Variants in UBAP1L observed in about 807,000 individuals in gnomAD.
UBAP1L encodes ubiquitin-associated protein 1-like.
In UBAP1L, 32 loss-of-function variants were observed where a neutral mutation model predicts 32.1. The observed-to-expected ratio is 1.00, with a 90% CI of 0.75 to 1.34. The LOEUF is 1.34. Among genes scored for constraint, UBAP1L ranks in the 40% most tolerant of loss-of-function variants. The pLI, the probability that UBAP1L is intolerant of heterozygous loss-of-function variation, is 0.00. For missense variants in UBAP1L, 516 were observed against 540.5 expected (o/e 0.95, Z 0.45); for synonymous variants, 243 against 250.2 (o/e 0.97, Z 0.27).
intron 3 of UBAP1L, 46 bp from the exon 4 acceptor site, chr15:65,099,760 C>T (rs2087219719): frequency 1.3e-6 from 2 of 1,492,760 alleles, no homozygotes; most frequent in East Asian, 2.5e-5. Context: ...CAGGAAGTGA[C>T]ACTCAGTTGG....
At chr15:65,107,318 A>T (rs2087324948) in intron 1 of UBAP1L, among the ~76,000 whole-genome samples, 2 of 151,176 alleles carry the variant, frequency 1.3e-5, no homozygotes, top group Non-Finnish European at 2.9e-5. Flanking sequence ...CTGACAACGG[A>T]GCAAGATGCT....
At chr15:65,105,553 A>G in intron 2 of UBAP1L, 1 of 541,424 alleles carries the variant, frequency 1.8e-6, no homozygotes, top group South Asian at 1.7e-5. Context: ...CATTCATTTG[A>G]CCTGGAGAAC....
intron 5 of UBAP1L, among the ~76,000 whole-genome samples, chr15:65,093,505 A>T (rs1340361187): frequency 1.5e-4 from 23 of 152,040 alleles, no homozygotes; most frequent in Non-Finnish European, 3.4e-4. Context: ...CTCACTGTCA[A>T]CTTTCTGCTG....
intron 1 of UBAP1L, among the ~76,000 whole-genome samples, chr15:65,108,794 A>G (rs2087345592): frequency 6.6e-6 from 1 of 151,748 alleles, no homozygotes; most frequent in South Asian, 2.1e-4. Flanking sequence ...ATTTAAAAAA[A>G]CACAACAACA....
rs576885640 is a variant in UBAP1L at position 65,099,488 on chromosome 15, T to C, written c.909+17A>G. The C allele has an allele frequency of 6.5e-7, 1 of 1,548,562 alleles. No homozygotes were observed. The highest frequency in any genetic ancestry group is 8.7e-7 in the Non-Finnish European group (1 of 1,146,302). On this transcript the variant is annotated intron_variant, in intron 4 of 5. Transcript: ENST00000559089. Reference sequence around the variant, plus strand: ...CTCCAGCATCACAGCTCATCAGCTCTGGGTCCCCCAACTCACCTGGCTCAG... The same window carrying C: ...CTCCAGCATCACAGCTCATCAGCTCCGGGTCCCCCAACTCACCTGGCTCAG...
rs1485499828 is a variant in UBAP1L, at chr15:65,106,402, G to A, written c.-173-14C>T. On this transcript the variant is annotated splice_polypyrimidine_tract_variant and intron_variant, in intron 1 of 5. Coordinates refer to ENST00000559089, the MANE Select transcript of UBAP1L (RefSeq NM_001163692.2). The stretch of plus-strand genomic sequence containing the variant: ...AGGGGGCCAGTGCTGCATAAAGGAA[G>A]GAAATGAATAAAAACAAGAGCATTC... The A allele has an allele frequency of 4.3e-5, 24 of 554,696 alleles. No homozygotes were observed. Among genetic ancestry groups the A allele is most frequent in the Non-Finnish European group, 6.5e-5 (22 of 339,838 alleles). The allele number at this position is 554,696 out of a possible 1,614,324, so 34.4% of individuals were successfully genotyped here. A position where few individuals can be genotyped will look rare whatever the true frequency, so the allele number is the denominator to read the frequency against.
Position 65,102,595 on chromosome 15 carries a change from T to G in UBAP1L, c.210A>C (p.Thr70=). Residue 70 remains threonine (T), a synonymous_variant, in exon 3 of 6, where the codon ACA becomes ACC. Coordinates refer to ENST00000559089, the MANE Select transcript of UBAP1L (RefSeq NM_001163692.2). The surrounding 1 kb of genome is among the most constrained non-coding windows in gnomAD (Gnocchi z 5.0). ...AGAGCCAGGCTGGAGGGGCTGACGC[T>G]GTCCCCGGGTCACCGCACTGGTACG... ...PSPYQCGDPG[T]ASAPPAWLLL... 8 of 1,548,218 alleles carry G rather than the reference T, an allele frequency of 5.2e-6. No homozygotes were observed. The highest frequency in any genetic ancestry group is 7.0e-6 in the Non-Finnish European group (8 of 1,146,094).
chr15:65,108,493 C>T (rs1243947189), intron 1 of UBAP1L, among the ~76,000 whole-genome samples: 1 of 152,050 alleles, frequency 6.6e-6, no homozygotes, highest in Non-Finnish European at 1.5e-5. Flanking sequence ...GCCTATAATC[C>T]CAGCACTTTG....
chr15:65,093,217 C>T lies in UBAP1L; in HGVS notation c.1026G>A (p.Leu342=), dbSNP rs2087137977. ...QFSESQAGEF[L]RLWEQFSDMG... is the part of the protein sequence containing the mutation. ...TGTCACTGAACTGCTCCCAGAGGCG[C>T]AGGAACTCCCCTGCCTGAGGAAGAG... The change falls in exon 6 of 6, where the codon CTG becomes CTA. Residue 342 remains leucine (L), a synonymous_variant. Coordinates refer to ENST00000559089, the MANE Select transcript of UBAP1L (RefSeq NM_001163692.2). 2 of 1,546,780 alleles carry T rather than the reference C, an allele frequency of 1.3e-6. No homozygotes were observed. Among genetic ancestry groups the T allele is most frequent in the East Asian group, 4.9e-5 (2 of 40,796 alleles).
At chr15:65,098,690 T>C (rs1366463251) in intron 4 of UBAP1L, 2 of 152,194 alleles carry the variant, frequency 1.3e-5, no homozygotes, top group African/African-American at 4.8e-5. Flanking sequence ...GTACAGTGAA[T>C]GAGGCCATCT....
rs200719158 is a variant in UBAP1L at position 65,104,349 on chromosome 15, GAAAAGA to G, written c.121-1671_121-1666del. Among the ~76,000 whole-genome samples the G allele has an allele frequency of 3.6e-3, 546 of 151,384 alleles. 2 individuals are homozygous for G. Among genetic ancestry groups the G allele is most frequent in the Admixed American group, 9.7e-3 (147 of 15,182 alleles). On this transcript the variant is annotated intron_variant, in intron 2 of 5. Coordinates refer to ENST00000559089, the MANE Select transcript of UBAP1L (RefSeq NM_001163692.2). ...GAGAAGAGAAGAGAAGAAAAGAAAA[GAAAAGA>G]AAAAGAAAAAGAAAAGCCAGAAACT... is the stretch of plus-strand genomic sequence containing the variant.
In UBAP1L at chr15:65,094,661, T is replaced by TCTG; in HGVS notation, c.910-86_910-85insCAG. ...AGGGCAGAGAGGCACTCCAAGGGCCTGAGCTGAGGGCCAGGCAACAGGGCA... is the reference window on the plus strand; with the variant it reads ...AGGGCAGAGAGGCACTCCAAGGGCCTCTGGAGCTGAGGGCCAGGCAACAGGGCA... On this transcript the variant is annotated intron_variant, in intron 4 of 5. Transcript: ENST00000559089. This position sits in a 1 kb window ranked among gnomAD's most constrained non-coding sequence, Gnocchi z 4.2. 9.7e-7 allele frequency: 1 copy of TCTG among 1,026,748 alleles called. No homozygotes were observed. Among genetic ancestry groups the TCTG allele is most frequent in the African/African-American group, 1.6e-5 (1 of 63,072 alleles). 63.6% of individuals were successfully genotyped at this position (1,026,748 alleles called of 1,614,324 possible).
rs2087304693 is a variant in UBAP1L, at chr15:65,105,943, A to C, written c.120+153T>G. ...GTAGCTGGGATTACAGGCACGCGTCACCACACCCAGCTAATTTTTTGTATT... is the reference window on the plus strand; with the variant it reads ...GTAGCTGGGATTACAGGCACGCGTCCCCACACCCAGCTAATTTTTTGTATT... On this transcript the variant is annotated intron_variant, in intron 2 of 5. Coordinates refer to ENST00000559089, the MANE Select transcript of UBAP1L (RefSeq NM_001163692.2). 2.1e-5 allele frequency: 23 copies of C among 1,103,044 alleles called. 2 individuals are homozygous for C. The South Asian group carries it at 3.0e-4, about 14-fold the overall frequency. 68.3% of individuals were successfully genotyped at this position (1,103,044 alleles called of 1,614,324 possible).
chr15:65,097,963 G>A (rs889814300), intron 4 of UBAP1L: 1 of 152,258 alleles, frequency 6.6e-6, no homozygotes, highest in Non-Finnish European at 1.5e-5. Context: ...GCAGGAACGG[G>A]AGAAAAATGA....
rs2087309179 is a variant in UBAP1L, at chr15:65,106,184, A to G, written c.32T>C (p.Leu11Ser). 3 of 1,549,222 alleles carry G rather than the reference A, an allele frequency of 1.9e-6. No individual in the cohort carries two copies. The South Asian group carries it at 3.6e-5, about 19-fold the overall frequency. ...TGTGCCTATCACAAAGCCCTTGGGC[A>G]ACTTGAAAGGAACACCATCGAGGGC... MNALDGVPFK[L>S]PKGFVIGTEP... is the part of the protein sequence containing the mutation. Residue 11 changes from leucine to serine, a missense_variant, in exon 2 of 6, where the codon TTG becomes TCG. Coordinates refer to ENST00000559089, the MANE Select transcript of UBAP1L (RefSeq NM_001163692.2).
chr15:65,106,636 CCTT>C, intron 1 of UBAP1L, among the ~76,000 whole-genome samples: 1 of 124,864 alleles, frequency 8.0e-6, no homozygotes, highest in Non-Finnish European at 1.7e-5. Context: ...TTTAGCATAA[CCTT>C]TTTTTTTTTT....
chr15:65,102,411 A>G lies in UBAP1L; in HGVS notation c.394T>C (p.Ser132Pro). Residue 132 changes from serine to proline, a missense_variant, in exon 3 of 6, where the codon TCC becomes CCC. Transcript: ENST00000559089. This position sits in a 1 kb window ranked among gnomAD's most constrained non-coding sequence, Gnocchi z 5.0. The stretch of plus-strand genomic sequence containing the variant: ...CGGCCGGGGCCGGGGCTCGCCGGGG[A>G]GCCCGGTTGGAGGCTGCTGGGGGCC... The part of the protein sequence containing the change: ...EPAPSSLQPG[S>P]PASPGPGRRL... The G allele has an allele frequency of 1.4e-6, 2 of 1,426,550 alleles. No individual in the cohort carries two copies. Among genetic ancestry groups the G allele is most frequent in the South Asian group, 3.0e-5 (2 of 67,012 alleles). 88.4% of individuals were successfully genotyped at this position (1,426,550 alleles called of 1,614,324 possible).
At chr15:65,110,846 A>G (rs2087365201) in intron 1 of UBAP1L, among the ~76,000 whole-genome samples, 1 of 152,174 alleles carries the variant, frequency 6.6e-6, no homozygotes, top group Non-Finnish European at 1.5e-5. Context: ...TGCAGCAGGA[A>G]GTGCCTCTGG....
In UBAP1L at chr15:65,102,396, C is replaced by T; in HGVS notation, c.409G>A (p.Gly137Ser). ...AGCGAGCACAGGCGACGGCCGGGGC[C>T]GGGGCTCGCCGGGGAGCCCGGTTGG... ...SLQPGSPASPGPGRRLCSLDV... is the reference protein window; with the variant it reads ...SLQPGSPASPSPGRRLCSLDV... Residue 137 changes from glycine (G) to serine (S), a missense_variant, in exon 3 of 6, where the codon GGC becomes AGC. Gly to Ser is a moderately conservative substitution (Grantham distance 56, BLOSUM62 0). Coordinates refer to ENST00000559089, the MANE Select transcript of UBAP1L (RefSeq NM_001163692.2). The surrounding 1 kb of genome is among the most constrained non-coding windows in gnomAD (Gnocchi z 5.0). 6.3e-6 allele frequency: 9 copies of T among 1,430,304 alleles called. No individual in the cohort carries two copies. The highest frequency in any genetic ancestry group is 4.4e-5 in the South Asian group (3 of 68,172). 88.6% of individuals were successfully genotyped at this position (1,430,304 alleles called of 1,614,324 possible). A position where few individuals can be genotyped will look rare whatever the true frequency, so the allele number is the denominator to read the frequency against.
Sources: allele counts gnomAD v4.1 joint callset (sites outside exome capture counted in the v4.1 genomes callset), GRCh38; gene constraint gnomAD v4.1.1; non-coding constraint Gnocchi (gnomAD v3.1); transcripts MANE v1.5; gene names NCBI Gene and HGNC (gene_info 2026-07-23, HGNC 2026-07-21).